The following TPCN2 variants were observed in gnomAD, a reference collection of about 807,000 sequenced individuals.
TPCN2 encodes two pore segment channel 2, also known as two pore channel protein 2.
TPCN2 carries 92 observed loss-of-function variants against 111.4 expected under a neutral mutation model. The observed-to-expected ratio is 0.83, with a 90% CI of 0.70 to 0.98. TPCN2 has a LOEUF of 0.98. Ranked by LOEUF, TPCN2 falls within the 50% of genes least tolerant of loss-of-function variation. The pLI is 0.00. For missense variants in TPCN2, 995 were observed against 980.1 expected (o/e 1.02, Z -0.20); for synonymous variants, 405 against 414.5 (o/e 0.98, Z 0.28).
At chr11:69,059,044 T>A (rs942738482) in intron 5 of TPCN2, among the ~76,000 whole-genome samples, 1 of 152,184 alleles carries the variant, frequency 6.6e-6, no homozygotes, top group African/African-American at 2.4e-5. Flanking sequence ...CCTGCCTGGA[T>A]CTCTTCTGCC....
chr11:69,053,636 TG>T (rs1861334090), intron 1 of TPCN2, among the ~76,000 whole-genome samples: 1 of 152,076 alleles, frequency 6.6e-6, no homozygotes, highest in African/African-American at 2.4e-5. Context: ...CAGTACCCTC[TG>T]GGGAGCCGAT....
chr11:69,061,084 C>G lies in TPCN2; in HGVS notation c.547-1800C>G, dbSNP rs936074522. Among the ~76,000 whole-genome samples, 6 of 152,354 alleles carry G rather than the reference C, an allele frequency of 3.9e-5. No individual in the cohort carries two copies. The East Asian group carries it at 1.2e-3, about 29-fold the overall frequency. On this transcript the variant is annotated intron_variant, in intron 5 of 24. Coordinates refer to ENST00000294309, the MANE Select transcript of TPCN2 (RefSeq NM_139075.4). ...ACCTTGGTGAACAGAATAGGCAGGT[C>G]TCTTGTCCTCTGAGACCCCCTTCTG...
chr11:69,065,850 G>A (rs1855250402), intron 7 of TPCN2, among the ~76,000 whole-genome samples: 1 of 152,194 alleles, frequency 6.6e-6, no homozygotes, highest in Non-Finnish European at 1.5e-5. Flanking sequence ...GGGCTGGCTC[G>A]GGTCCATCGT....
chr11:69,049,523 G>A (rs1861118788), intron 1 of TPCN2, among the ~76,000 whole-genome samples: 1 of 152,226 alleles, frequency 6.6e-6, no homozygotes, highest in Non-Finnish European at 1.5e-5. Flanking sequence ...GATTTTTCCC[G>A]TTTCTTCTGG....
At chr11:69,081,799 T>TC (rs1252980104) in intron 18 of TPCN2, among the ~76,000 whole-genome samples, 1 of 151,912 alleles carries the variant, frequency 6.6e-6, no homozygotes, top group Non-Finnish European at 1.5e-5. Context: ...ACACCAGTGC[T>TC]CCCCCAGGTC....
chr11:69,069,950 T>C (rs1855446311), intron 8 of TPCN2, among the ~76,000 whole-genome samples: 1 of 151,978 alleles, frequency 6.6e-6, no homozygotes, highest in African/African-American at 2.4e-5. Flanking sequence ...AGATCGAATT[T>C]GGACAGGAAG....
intron 4 of TPCN2, among the ~76,000 whole-genome samples, chr11:69,055,964 T>C (rs1854746226): frequency 6.6e-6 from 1 of 152,214 alleles, no homozygotes; most frequent in Non-Finnish European, 1.5e-5. Context: ...CATGTTTGAC[T>C]CTGGGTTCTG....
intron 5 of TPCN2, among the ~76,000 whole-genome samples, chr11:69,062,064 G>A (rs1385270319): frequency 3.9e-5 from 6 of 152,090 alleles, no homozygotes; most frequent in Admixed American, 3.9e-4. Flanking sequence ...GCATGGTGCT[G>A]GCGTCTGCTT....
At chr11:69,087,077 G>A (rs1465366108) in intron 23 of TPCN2, 35 bp from the exon 24 acceptor site, 30 of 1,583,048 alleles carry the variant, frequency 1.9e-5, no homozygotes, top group Admixed American at 5.0e-5. Context: ...TTCATTCGGG[G>A]CCCACACTCA....
intron 2 of TPCN2, 50 bp downstream of exon 2, chr11:69,054,147 C>A: frequency 6.6e-7 from 1 of 1,521,810 alleles, no homozygotes; most frequent in Non-Finnish European, 9.1e-7. Context: ...GGCCGCCCTC[C>A]GATTGGCTCG....
Position 69,085,843 on chromosome 11 carries a change from C to A in TPCN2, c.1921-5C>A, listed in dbSNP as rs372153521. ...CTCCTGGACCGCTGGTCTCTGCCCCCGCAGGCTGCCCTGGTCACTCTGTGG... is the reference window on the plus strand; with the variant it reads ...CTCCTGGACCGCTGGTCTCTGCCCCAGCAGGCTGCCCTGGTCACTCTGTGG... On this transcript the variant is annotated splice_polypyrimidine_tract_variant and splice_region_variant and intron_variant, in intron 21 of 24. Transcript: ENST00000294309. 4 of 1,614,064 alleles carry A rather than the reference C, an allele frequency of 2.5e-6. No homozygotes were observed. Among genetic ancestry groups the A allele is most frequent in the Non-Finnish European group, 1.7e-6 (2 of 1,180,024 alleles).
rs1367017705 is a variant in TPCN2, at chr11:69,067,547, C to T, written c.771C>T (p.Asn257=). ...QDRERLTYFQ[N]LPESLTSLLV... ...GGGAGAGGCTGACCTACTTCCAGAA[C>T]CTGCCTGAGTCTCTGACTTCCCTCC... Residue 257 remains asparagine (N), a synonymous_variant, in exon 8 of 25, where the codon AAC becomes AAT. Coordinates refer to ENST00000294309, the MANE Select transcript of TPCN2 (RefSeq NM_139075.4). 6 of 1,613,918 alleles carry T rather than the reference C, an allele frequency of 3.7e-6. No individual in the cohort carries two copies. The highest frequency in any genetic ancestry group is 5.1e-6 in the Non-Finnish European group (6 of 1,180,014).
intron 19 of TPCN2, among the ~76,000 whole-genome samples, chr11:69,084,257 C>G (rs1354152459): frequency 6.6e-6 from 1 of 152,158 alleles, no homozygotes; most frequent in African/African-American, 2.4e-5. Flanking sequence ...GAGCATCCTT[C>G]CCTCCCATGG....
intron 7 of TPCN2, 78 bp downstream of exon 7, chr11:69,064,045 G>GACAC: frequency 1.4e-6 from 2 of 1,401,866 alleles, no homozygotes; most frequent in Non-Finnish European, 2.0e-6. Flanking sequence ...GCTGGTGTCT[G>GACAC]CTGCCCTGGC....
At chr11:69,051,007 G>C (rs1861203387) in intron 1 of TPCN2, among the ~76,000 whole-genome samples, 1 of 152,258 alleles carries the variant, frequency 6.6e-6, no homozygotes, top group Admixed American at 6.5e-5. Context: ...TCCCCAGCAA[G>C]GACTGGCAGA....
chr11:69,081,965 G>A (rs1053802893), intron 18 of TPCN2, among the ~76,000 whole-genome samples: 3 of 152,132 alleles, frequency 2.0e-5, no homozygotes, highest in Non-Finnish European at 4.4e-5. Context: ...TTAATGCACC[G>A]GTTAGGAGCA....
rs1415146879 is a variant in TPCN2, at chr11:69,057,680, C to T, written c.532C>T (p.Leu178Phe). ...GGTGGACTGGACCGTGTCCCTGAGT[C>T]TCGTGTGTCATGAGGTAGGTGGTGA... The part of the protein sequence containing the change: ...SLVDWTVSLS[L>F]VCHEPLRIRR... Residue 178 changes from leucine (L) to phenylalanine (F), a missense_variant, in exon 5 of 25, where the codon CTC becomes TTC. Coordinates refer to ENST00000294309, the MANE Select transcript of TPCN2 (RefSeq NM_139075.4). 1.9e-6 allele frequency: 3 copies of T among 1,614,140 alleles called. No individual in the cohort carries two copies. Among genetic ancestry groups the T allele is most frequent in the Non-Finnish European group, 2.5e-6 (3 of 1,179,974 alleles).
chr11:69,072,231 C>CG (rs1050141624), intron 11 of TPCN2, among the ~76,000 whole-genome samples: 2 of 152,294 alleles, frequency 1.3e-5, no homozygotes, highest in East Asian at 1.9e-4. Context: ...TTCGTGCCCC[C>CG]CGGGGACCCT....
intron 17 of TPCN2, among the ~76,000 whole-genome samples, 160 bp downstream of exon 17, chr11:69,080,043 G>A (rs1357929430): frequency 6.6e-6 from 1 of 152,226 alleles, no homozygotes; most frequent in Non-Finnish European, 1.5e-5. Context: ...AGCAGAGGCT[G>A]TGTCGGGGCA....
Sources: allele counts gnomAD v4.1 joint callset (sites outside exome capture counted in the v4.1 genomes callset), GRCh38; gene constraint gnomAD v4.1.1; transcripts MANE v1.5; gene names NCBI Gene and HGNC (gene_info 2026-07-23, HGNC 2026-07-21).